TRHDE: variants seen among roughly 807,000 people sequenced by gnomAD.
The protein encoded by TRHDE is thyrotropin releasing hormone degrading enzyme, also known as thyrotropin-releasing hormone-degrading ectoenzyme.
Under a neutral mutation model 125.7 loss-of-function variants are expected in TRHDE, and 72 were observed. The observed-to-expected ratio is 0.57, with a 90% CI of 0.47 to 0.70. The LOEUF (loss-of-function observed/expected upper bound fraction) is 0.70, where lower values mean the gene tolerates loss of function less well. Ranked by LOEUF, TRHDE falls within the 30% of genes least tolerant of loss-of-function variation. The pLI is 0.00. For synonymous variants in TRHDE, 509 were observed against 509.1 expected, an observed-to-expected ratio of 1.00 and a Z score of 0.00; for missense variants, 1,110 against 1,327.1, an observed-to-expected ratio of 0.84 and a Z score of 2.54.
chr12:72,435,562 T>TA (rs1180736633), intron 3 of TRHDE, among the ~76,000 whole-genome samples: 1 of 151,918 alleles, frequency 6.6e-6, no homozygotes, highest in Non-Finnish European at 1.5e-5. Context: ...GTCCTATTTT[T>TA]ATTGAAAAAA....
chr12:72,649,482 G>C (rs1315841856), intron 15 of TRHDE, among the ~76,000 whole-genome samples: 1 of 151,986 alleles, frequency 6.6e-6, no homozygotes, highest in African/African-American at 2.4e-5. Flanking sequence ...CATGACATTG[G>C]TCTTGGCAAT....
At chr12:72,397,540 C>G (rs1043934366) in intron 3 of TRHDE, among the ~76,000 whole-genome samples, 5 of 152,180 alleles carry the variant, frequency 3.3e-5, no homozygotes, top group African/African-American at 9.6e-5. Flanking sequence ...ATCCCTGTTA[C>G]CTTGCTGACC....
intron 6 of TRHDE, among the ~76,000 whole-genome samples, chr12:72,534,063 G>C (rs1868720227): frequency 6.6e-6 from 1 of 152,082 alleles, no homozygotes; most frequent in South Asian, 2.1e-4. Context: ...CTGGATTGCT[G>C]ATTTGAAACT....
rs531067163 is a variant in TRHDE, at chr12:72,614,330, A to ATATATATATTTTTT, written c.2322-4560_2322-4559insATATATATTTTTTT. Among the ~76,000 whole-genome samples the ATATATATATTTTTT allele has an allele frequency of 1.8e-4, 24 of 129,832 alleles. 1 individual carries two copies. The highest frequency in any genetic ancestry group is 5.2e-4 in the African/African-American group (17 of 32,776). 85.2% of individuals were successfully genotyped at this position (129,832 alleles called of 152,430 possible). A position where few individuals can be genotyped will look rare whatever the true frequency, so the allele number is the denominator to read the frequency against. On this transcript the variant is annotated intron_variant, in intron 12 of 18. Coordinates refer to ENST00000261180, the MANE Select transcript of TRHDE (RefSeq NM_013381.3). ...TACATATGTATATATATATATATAT[A>ATATATATATTTTTT]TTTTTTTTTTCTCTAGAAACTGATC...
intron 2 of TRHDE, among the ~76,000 whole-genome samples, chr12:72,116,073 C>T (rs1221203768): frequency 1.3e-5 from 2 of 152,258 alleles, no homozygotes; most frequent in African/African-American, 4.8e-5. Context: ...CATGTGTTCT[C>T]ATTGTTAACT....
intron 3 of TRHDE, among the ~76,000 whole-genome samples, chr12:72,392,189 C>G (rs1323066459): frequency 6.6e-6 from 1 of 152,100 alleles, no homozygotes; most frequent in East Asian, 1.9e-4. Flanking sequence ...ACTGTTTAAG[C>G]CACCAGGTCT....
intron 5 of TRHDE, among the ~76,000 whole-genome samples, chr12:72,483,614 A>T (rs1366003653): frequency 6.6e-6 from 1 of 151,942 alleles, no homozygotes; most frequent in Non-Finnish European, 1.5e-5. Flanking sequence ...TAATTATACA[A>T]TCAGTTTATA....
chr12:72,197,886 A>G (rs902497081), intron 2 of TRHDE, among the ~76,000 whole-genome samples: 1 of 151,484 alleles, frequency 6.6e-6, no homozygotes, highest in African/African-American at 2.4e-5. Context: ...CTTTATTCAT[A>G]TCTCTGAGTT....
intron 2 of TRHDE, among the ~76,000 whole-genome samples, chr12:72,320,018 T>C (rs958942686): frequency 6.6e-6 from 1 of 152,162 alleles, no homozygotes; most frequent in African/African-American, 2.4e-5. Context: ...TAAAAAATTA[T>C]TTATTTATTT....
chr12:72,305,480 C>G (rs1489372892), intron 2 of TRHDE, among the ~76,000 whole-genome samples: 1 of 152,162 alleles, frequency 6.6e-6, no homozygotes, highest in Non-Finnish European at 1.5e-5. Context: ...TAATTCATTA[C>G]CTAATGGTAA....
At chr12:72,297,045 C>T (rs1028942921) in intron 2 of TRHDE, among the ~76,000 whole-genome samples, 1 of 152,148 alleles carries the variant, frequency 6.6e-6, no homozygotes, top group Non-Finnish European at 1.5e-5. Flanking sequence ...GAAATAGCAA[C>T]ACTCTTTTGT....
intron 12 of TRHDE, among the ~76,000 whole-genome samples, chr12:72,601,116 T>C (rs968293441): frequency 6.6e-6 from 1 of 152,126 alleles, no homozygotes; most frequent in Non-Finnish European, 1.5e-5. Flanking sequence ...AGAACATTTA[T>C]GATTTATGGG....
Position 72,668,069 on chromosome 12 carries a change from T to C in TRHDE, c.*4874T>C, listed in dbSNP as rs934194209. 1.2e-4 allele frequency: 18 copies of C among 151,700 alleles called. No homozygotes were observed. The highest frequency in any genetic ancestry group is 4.3e-4 in the African/African-American group (18 of 41,430). 9.4% of individuals were successfully genotyped at this position (151,700 alleles called of 1,614,324 possible). On this transcript the variant is annotated 3_prime_UTR_variant, in exon 19 of 19. Coordinates refer to ENST00000261180, the MANE Select transcript of TRHDE (RefSeq NM_013381.3). Reference sequence around the variant, plus strand: ...ATGTGAACTTATGAAAAAATGTTCTTGTAAATTATTCTAGAATCCCAAATT... The same window carrying C: ...ATGTGAACTTATGAAAAAATGTTCTCGTAAATTATTCTAGAATCCCAAATT...
intron 2 of TRHDE, among the ~76,000 whole-genome samples, chr12:72,174,967 A>G (rs1333858650): frequency 6.6e-6 from 1 of 152,192 alleles, no homozygotes; most frequent in Non-Finnish European, 1.5e-5. Context: ...AGTATGTATT[A>G]TGCTTTTCAA....
intron 2 of TRHDE, among the ~76,000 whole-genome samples, chr12:72,336,072 G>A (rs1419309383): frequency 1.3e-5 from 2 of 152,136 alleles, no homozygotes; most frequent in Admixed American, 1.3e-4. Flanking sequence ...TGGTGAGGCT[G>A]GAGATGCAGT....
chr12:72,509,281 C>T (rs1306413864), intron 6 of TRHDE, among the ~76,000 whole-genome samples: 2 of 151,646 alleles, frequency 1.3e-5, no homozygotes, highest in Admixed American at 1.3e-4. Context: ...CACCCCCCCG[C>T]ACACACAAAA....
intron 3 of TRHDE, among the ~76,000 whole-genome samples, chr12:72,456,975 GA>G (rs1875886378): frequency 6.6e-6 from 1 of 152,046 alleles, no homozygotes; most frequent in Non-Finnish European, 1.5e-5. Flanking sequence ...AAAAATTTGG[GA>G]AAGCCACTTT....
intron 6 of TRHDE, 58 bp from the exon 7 acceptor site, chr12:72,542,233 A>C (rs934682234): frequency 6.6e-6 from 9 of 1,362,580 alleles, no homozygotes; most frequent in Non-Finnish European, 7.1e-6. Context: ...GAGTAAAACA[A>C]CTTTACAATC....
At chr12:72,406,390 T>C (rs568366358) in intron 3 of TRHDE, among the ~76,000 whole-genome samples, 127 of 152,266 alleles carry the variant, frequency 8.3e-4, no homozygotes, top group African/African-American at 3.0e-3. Context: ...GTAATATTAT[T>C]GCTTCTGAGC....
Sources: gnomAD v4.1 joint callset for allele counts (sites outside exome capture counted in the v4.1 genomes callset) on GRCh38, gnomAD v4.1.1 for gene constraint, MANE v1.5 for transcripts, NCBI Gene and HGNC (gene_info 2026-07-23, HGNC 2026-07-21) for gene names.